DCDC2: variants seen among roughly 807,000 people sequenced by gnomAD.
The protein encoded by DCDC2 is doublecortin domain containing 2.
DCDC2 carries 40 observed loss-of-function variants against 50.2 expected under a neutral mutation model. The observed-to-expected ratio is 0.80, with a 90% CI of 0.62 to 1.04. The LOEUF is 1.04. Among genes scored for constraint, DCDC2 ranks in the 50% least tolerant of loss-of-function variants. DCDC2 has a pLI of 0.00. For synonymous variants in DCDC2, 234 were observed against 210.6 expected (o/e 1.11, Z -0.96); for missense variants, 570 against 581.9 (o/e 0.98, Z 0.21).
At chr6:24,378,458 G>C in the DCDC2 span, among the ~76,000 whole-genome samples, 1 of 152,048 alleles carries the variant, frequency 6.6e-6, no homozygotes. Flanking sequence ...ACTATTGTGA[G>C]AGTATGAAAG....
chr6:24,286,539 A>G (rs1763612941), intron 6 of DCDC2, among the ~76,000 whole-genome samples: 2 of 149,124 alleles, frequency 1.3e-5, no homozygotes, highest in Admixed American at 1.3e-4. Flanking sequence ...GCTACAGTAA[A>G]CCATGATCAT....
rs146196591 is a variant in DCDC2 at position 24,350,452 on chromosome 6, C to G, written c.348+3117G>C. On this transcript the variant is annotated intron_variant, in intron 2 of 9. Coordinates refer to ENST00000378454, the MANE Select transcript of DCDC2 (RefSeq NM_016356.5). ...CAAAGGTCTTTCCGTATAAAATGTA[C>G]TCGGAATAATTAGAATTAGTATGTT... Among the ~76,000 whole-genome samples, 904 of 152,268 alleles carry G rather than the reference C, an allele frequency of 5.9e-3. 14 individuals are homozygous for G. Among genetic ancestry groups the G allele is most frequent in the African/African-American group, 0.019 (806 of 41,532 alleles).
chr6:24,237,343 T>G (rs1444974200), intron 7 of DCDC2, among the ~76,000 whole-genome samples: 1 of 152,170 alleles, frequency 6.6e-6, no homozygotes, highest in African/African-American at 2.4e-5. Flanking sequence ...ATAACAAACC[T>G]GCACATGTAC....
Position 24,283,817 on chromosome 6 carries a change from A to G in DCDC2, c.759+5035T>C, listed in dbSNP as rs181609941. ...AGTTCTGTGTGGCTCAATGCCAAAC[A>G]TTCACACACTGCCTAAGCCGAGTTT... is the stretch of plus-strand genomic sequence containing the variant. On this transcript the variant is annotated intron_variant, in intron 6 of 9. Coordinates refer to ENST00000378454, the MANE Select transcript of DCDC2 (RefSeq NM_016356.5). 3.9e-4 allele frequency among the ~76,000 whole-genome samples: 60 copies of G among 152,358 alleles called. 1 individual carries two copies. The highest frequency in any genetic ancestry group is 1.2e-3 in the African/African-American group (50 of 41,584).
At chr6:24,371,234 G>A in the DCDC2 span, among the ~76,000 whole-genome samples, 2,062 of 145,328 alleles carry the variant, frequency 0.014, 42 homozygotes, top group African/African-American at 0.046. Context: ...CCGAGATCGC[G>A]CCATTGCACT....
At chr6:24,299,792 G>A (rs1178292264) in intron 4 of DCDC2, among the ~76,000 whole-genome samples, 2 of 151,904 alleles carry the variant, frequency 1.3e-5, no homozygotes, top group African/African-American at 2.4e-5. Context: ...GGTGGCAGGC[G>A]CCTGTAATCC....
intron 7 of DCDC2, among the ~76,000 whole-genome samples, chr6:24,275,429 G>GA (rs978037529): frequency 6.6e-6 from 1 of 151,790 alleles, no homozygotes; most frequent in African/African-American, 2.4e-5. Context: ...ATTTTTCCTG[G>GA]AAAAAAATTG....
chr6:24,371,018 G>A, the DCDC2 span, among the ~76,000 whole-genome samples: 2 of 152,126 alleles, frequency 1.3e-5, no homozygotes, highest in African/African-American at 2.4e-5. Context: ...GAACACGCCT[G>A]TAATCCCAGC....
chr6:24,178,788 G>A (rs1760984772), intron 8 of DCDC2, among the ~76,000 whole-genome samples, 156 bp from the exon 9 acceptor site: 1 of 152,154 alleles, frequency 6.6e-6, no homozygotes, highest in Non-Finnish European at 1.5e-5. Flanking sequence ...CGTTTACTGA[G>A]TACCTACCAC....
chr6:24,371,665 A>G, the DCDC2 span, among the ~76,000 whole-genome samples: 3 of 152,226 alleles, frequency 2.0e-5, no homozygotes, highest in Non-Finnish European at 4.4e-5. Flanking sequence ...AGCAAAAGAT[A>G]CTACCATCAG....
chr6:24,303,427 A>C (rs949329090), intron 2 of DCDC2, among the ~76,000 whole-genome samples: 1 of 151,826 alleles, frequency 6.6e-6, no homozygotes, highest in African/African-American at 2.4e-5. Flanking sequence ...CCCTGCATCC[A>C]CACCTTGCCT....
At chr6:24,302,590 C>T (rs1005348218) in intron 2 of DCDC2, among the ~76,000 whole-genome samples, 1 of 152,078 alleles carries the variant, frequency 6.6e-6, no homozygotes, top group African/African-American at 2.4e-5. Context: ...GGTACACTCA[C>T]GCCAGCACCC....
At chr6:24,358,489 C>A, upstream of DCDC2, among the ~76,000 whole-genome samples, 1 of 140,970 alleles carries the variant, frequency 7.1e-6, no homozygotes. Context: ...AGTTTGAGAC[C>A]AGCCTGACCC....
chr6:24,284,434 C>T (rs563453172), intron 6 of DCDC2, among the ~76,000 whole-genome samples: 8 of 151,444 alleles, frequency 5.3e-5, no homozygotes, highest in South Asian at 2.1e-4. Flanking sequence ...GGTGAAACCC[C>T]GTCTCTACTA....
intron 8 of DCDC2, among the ~76,000 whole-genome samples, chr6:24,189,554 G>A (rs563643538): frequency 3.8e-4 from 58 of 152,242 alleles, no homozygotes; most frequent in African/African-American, 1.3e-3. Flanking sequence ...GCCCACTTTA[G>A]CAGTAAATGT....
At chr6:24,351,061 C>G (rs964853366) in intron 2 of DCDC2, among the ~76,000 whole-genome samples, 1 of 152,088 alleles carries the variant, frequency 6.6e-6, no homozygotes, top group Non-Finnish European at 1.5e-5. Flanking sequence ...CCTGCAAAAC[C>G]CTTTTCCACT....
At chr6:24,225,843 A>C (rs535244692) in intron 7 of DCDC2, among the ~76,000 whole-genome samples, 63 of 152,334 alleles carry the variant, frequency 4.1e-4, no homozygotes, top group Admixed American at 2.2e-3. Flanking sequence ...CAACTGATTT[A>C]TTTTAAAAAT....
chr6:24,337,324 G>T (rs956973193), intron 2 of DCDC2, among the ~76,000 whole-genome samples: 4 of 151,910 alleles, frequency 2.6e-5, no homozygotes, highest in African/African-American at 9.7e-5. Context: ...TTTCCTATGG[G>T]AGCCTTTTTA....
rs760773579 is a variant in DCDC2 at position 24,357,724 on chromosome 6, G to A, written c.27C>T (p.Ser9=). ...TCTTCACGACGGGCTGAGACAGGTGGCTGGACCTGGCGCTGCTGCCGCTCA... is the reference window on the plus strand; with the variant it reads ...TCTTCACGACGGGCTGAGACAGGTGACTGGACCTGGCGCTGCTGCCGCTCA... MSGSSARS[S]HLSQPVVKSV... Residue 9 remains serine, a synonymous_variant, in exon 1 of 10, where the codon AGC becomes AGT. Coordinates refer to ENST00000378454, the MANE Select transcript of DCDC2 (RefSeq NM_016356.5). 22 of 1,612,684 alleles carry A rather than the reference G, an allele frequency of 1.4e-5. No individual in the cohort carries two copies. The highest frequency in any genetic ancestry group is 1.3e-4 in the South Asian group (12 of 91,060).
Sources: gnomAD v4.1 joint callset for allele counts (sites outside exome capture counted in the v4.1 genomes callset) on GRCh38, gnomAD v4.1.1 for gene constraint, MANE v1.5 for transcripts, NCBI Gene and HGNC (gene_info 2026-07-23, HGNC 2026-07-21) for gene names.